Variants in AMZ2 observed in about 807,000 individuals in gnomAD.
AMZ2 encodes the protein archaelysin family metallopeptidase 2.
In AMZ2, 26 loss-of-function variants were observed where a neutral mutation model predicts 36.7. The observed-to-expected ratio is 0.71, with a 90% CI of 0.52 to 0.98. The LOEUF (loss-of-function observed/expected upper bound fraction) is 0.98, where lower values mean the gene tolerates loss of function less well. Ranked by LOEUF, AMZ2 falls within the 50% of genes least tolerant of loss-of-function variation. AMZ2 has a pLI of 0.00. For synonymous variants in AMZ2, 144 were observed against 149.1 expected (o/e 0.97, Z 0.25); for missense variants, 394 against 430.5 (o/e 0.92, Z 0.75).
At chr17:68,226,042 T>G (rs2073507719) in intron 1 of AMZ2, among the ~76,000 whole-genome samples, 1 of 152,140 alleles carries the variant, frequency 6.6e-6, no homozygotes, top group Non-Finnish European at 1.5e-5. Context: ...GGACGTGCTG[T>G]GGTCTCTGCC....
chr17:68,208,100 C>T (rs545113308), intron 1 of AMZ2, among the ~76,000 whole-genome samples: 26 of 152,246 alleles, frequency 1.7e-4, no homozygotes, highest in Admixed American at 3.9e-4. Flanking sequence ...CCTCCCCTGC[C>T]CCCGTGGGCT....
intron 1 of AMZ2, among the ~76,000 whole-genome samples, chr17:68,221,345 A>G (rs1185715838): frequency 6.6e-6 from 1 of 151,766 alleles, no homozygotes; most frequent in Non-Finnish European, 1.5e-5. Flanking sequence ...AAGAGAAGGC[A>G]TTTGGGCTGG....
At chr17:68,234,054 G>A (rs1299823520) in intron 1 of AMZ2, among the ~76,000 whole-genome samples, 8 of 152,094 alleles carry the variant, frequency 5.3e-5, no homozygotes, top group Non-Finnish European at 1.0e-4. Context: ...AGTAGCATTC[G>A]GGCTCGGTGG....
intron 1 of AMZ2, among the ~76,000 whole-genome samples, chr17:68,211,700 G>A (rs1485791446): frequency 7.7e-6 from 1 of 129,046 alleles, no homozygotes; most frequent in African/African-American, 2.7e-5. Flanking sequence ...GTATATATAT[G>A]TATATATGTA....
At chr17:68,238,277 G>A (rs1276202731) in intron 1 of AMZ2, among the ~76,000 whole-genome samples, 3 of 151,892 alleles carry the variant, frequency 2.0e-5, no homozygotes, top group African/African-American at 7.3e-5. Context: ...AAACTCCTGA[G>A]CTCAAACAAT....
intron 4 of AMZ2, among the ~76,000 whole-genome samples, chr17:68,253,904 C>T: frequency 6.6e-6 from 1 of 152,020 alleles, no homozygotes; most frequent in East Asian, 1.9e-4. Context: ...AGGCACCTAC[C>T]ATCATGCCTG....
chr17:68,216,484 A>C (rs1459965489), intron 1 of AMZ2, among the ~76,000 whole-genome samples: 1 of 152,166 alleles, frequency 6.6e-6, no homozygotes, highest in African/African-American at 2.4e-5. Flanking sequence ...ACTAAATCTC[A>C]AAGAGGTTAA....
intron 1 of AMZ2, among the ~76,000 whole-genome samples, chr17:68,217,204 C>T (rs1555727503): frequency 6.8e-6 from 1 of 146,994 alleles, no homozygotes; most frequent in African/African-American, 2.5e-5. Context: ...AAATGCAAAC[C>T]TTTGAAATCA....
At chr17:68,221,264 CTATTTATT>C (rs3056036) in intron 1 of AMZ2, among the ~76,000 whole-genome samples, 3 of 134,464 alleles carry the variant, frequency 2.2e-5, no homozygotes, top group Admixed American at 1.6e-4. Flanking sequence ...CCGTGCCCAA[CTATTTATT>C]TATTTATTTA....
rs1361601662 is a variant in AMZ2, at chr17:68,207,286, C to CT, written c.-67+1049dup. On this transcript the variant is annotated intron_variant, in intron 1 of 7. Coordinates refer to the AMZ2 transcript ENST00000674770. ...TTTCACACAGAAAAGTTTCTCTAGACTGTTGCTAAGATGCATTTTGTTAAA... is the reference window on the plus strand; with the variant it reads ...TTTCACACAGAAAAGTTTCTCTAGACTTGTTGCTAAGATGCATTTTGTTAAA... The CT allele has an allele frequency of 1.0e-4, 15 of 145,732 alleles. No individual in the cohort carries two copies. The East Asian group carries it at 3.1e-3, about 30-fold the overall frequency. The allele number at this position is 145,732 out of a possible 1,614,324, so 9.0% of individuals were successfully genotyped here.
chr17:68,245,493 T>G (rs1315783974), upstream of AMZ2, among the ~76,000 whole-genome samples: 17 of 151,922 alleles, frequency 1.1e-4, no homozygotes, highest in African/African-American at 3.9e-4. Context: ...GTGATTCTCC[T>G]TTCTCCTGTC....
chr17:68,240,365 A>C (rs2073876946), intron 1 of AMZ2, among the ~76,000 whole-genome samples: 1 of 152,238 alleles, frequency 6.6e-6, no homozygotes. Flanking sequence ...AAAATAAAAT[A>C]ATCATAACAA....
Position 68,255,651 on chromosome 17 carries a change from G to T in AMZ2, c.751-49G>T, listed in dbSNP as rs782022840. 5 of 1,574,046 alleles carry T rather than the reference G, an allele frequency of 3.2e-6. No individual in the cohort carries two copies. The South Asian group carries it at 4.5e-5, about 14-fold the overall frequency. ...AAGCAAGAAAAAGAAGAGACGTGTA[G>T]CCTAATGTGATGGTGGTCTTATAAA... On this transcript the variant is annotated intron_variant, in intron 5 of 6. Coordinates refer to ENST00000359904, the MANE Select transcript of AMZ2 (RefSeq NM_016627.5).
intron 1 of AMZ2, among the ~76,000 whole-genome samples, chr17:68,229,230 A>G (rs1272454146): frequency 6.6e-6 from 1 of 151,326 alleles, no homozygotes; most frequent in Non-Finnish European, 1.5e-5. Context: ...TGGCACTGAC[A>G]CCCCCACCTC....
At chr17:68,208,067 A>G (rs1472471203) in intron 1 of AMZ2, among the ~76,000 whole-genome samples, 1 of 151,960 alleles carries the variant, frequency 6.6e-6, no homozygotes, top group African/African-American at 2.4e-5. Context: ...AGCACTTGGG[A>G]CCTGCAGCCC....
chr17:68,241,877 C>T (rs1555734050), intron 1 of AMZ2, among the ~76,000 whole-genome samples: 1 of 151,006 alleles, frequency 6.6e-6, no homozygotes, highest in African/African-American at 2.4e-5. Context: ...GTGTGCACCA[C>T]CACACCTGGC....
chr17:68,246,593 G>A (rs1466180789), upstream of AMZ2: 1 of 152,070 alleles, frequency 6.6e-6, no homozygotes, highest in Non-Finnish European at 1.5e-5. Flanking sequence ...GTGGCGCATC[G>A]GTATTCTCAA....
intron 1 of AMZ2, among the ~76,000 whole-genome samples, chr17:68,224,468 A>C (rs1408260668): frequency 2.0e-5 from 3 of 151,888 alleles, no homozygotes; most frequent in African/African-American, 7.3e-5. Context: ...CCTATGCGGC[A>C]GTTTCAGTTT....
rs367894805 is a variant in AMZ2 at position 68,207,756 on chromosome 17, G to A, written c.-67+1518G>A. ...CTCGGCCTTGGCGCCCACTCTGGGCGCGCTTGAGGAGCCCTTCAGCCCGCC... is the reference window on the plus strand; with the variant it reads ...CTCGGCCTTGGCGCCCACTCTGGGCACGCTTGAGGAGCCCTTCAGCCCGCC... On this transcript the variant is annotated intron_variant, in intron 1 of 7. Transcript: ENST00000674770. Among the ~76,000 whole-genome samples the A allele has an allele frequency of 3.3e-4, 50 of 152,336 alleles. No individual in the cohort carries two copies. In the South Asian group the frequency reaches 3.7e-3, roughly 11 times the overall value.
Sources: allele counts gnomAD v4.1 joint callset (sites outside exome capture counted in the v4.1 genomes callset), GRCh38; gene constraint gnomAD v4.1.1; transcripts MANE v1.5; gene names NCBI Gene and HGNC (gene_info 2026-07-23, HGNC 2026-07-21).